Variants in MTUS2 observed in about 807,000 individuals in gnomAD.
The protein encoded by MTUS2 is microtubule-associated tumor suppressor candidate 2.
MTUS2 carries 40 observed loss-of-function variants against 114.1 expected under a neutral mutation model. The observed-to-expected ratio is 0.35, with a 90% confidence interval of 0.27 to 0.46. The LOEUF is 0.46. Among genes scored for constraint, MTUS2 ranks in the 20% least tolerant of loss-of-function variants. The probability of loss-of-function intolerance (pLI) is 1.00; values close to 1 mark genes in which losing one functional copy is unlikely to be tolerated. For missense variants in MTUS2, 1,679 were observed against 1,705.4 expected (o/e 0.98, Z 0.27); for synonymous variants, 688 against 672.0 (o/e 1.02, Z -0.37).
At chr13:29,494,064 C>G (rs1205449006) in intron 12 of MTUS2, among the ~76,000 whole-genome samples, 1 of 152,214 alleles carries the variant, frequency 6.6e-6, no homozygotes, top group Non-Finnish European at 1.5e-5. Context: ...TGCACTAGCT[C>G]TTACTAGCTT....
intron 5 of MTUS2, among the ~76,000 whole-genome samples, chr13:29,244,163 G>A (rs752696459): frequency 5.9e-5 from 9 of 152,170 alleles, no homozygotes; most frequent in Admixed American, 2.6e-4. Context: ...ATACATTCTG[G>A]AAGGAGTAGG....
chr13:29,247,812 T>C (rs1896981670), intron 5 of MTUS2, among the ~76,000 whole-genome samples: 1 of 152,232 alleles, frequency 6.6e-6, no homozygotes, highest in Non-Finnish European at 1.5e-5. Context: ...GAATGTAAAC[T>C]AGTACACCCA....
At chr13:28,883,609 A>G (rs780663909) in intron 2 of MTUS2, among the ~76,000 whole-genome samples, 1 of 152,198 alleles carries the variant, frequency 6.6e-6, no homozygotes, top group Non-Finnish European at 1.5e-5. Flanking sequence ...AATTATAGAG[A>G]TGGAGAACAG....
intron 1 of MTUS2, among the ~76,000 whole-genome samples, chr13:28,826,389 A>G (rs1386312027): frequency 1.3e-5 from 2 of 152,238 alleles, no homozygotes. Flanking sequence ...TTTAAAAACA[A>G]GATTATTGTA....
chr13:29,052,310 C>T (rs908423684), intron 4 of MTUS2, among the ~76,000 whole-genome samples: 3 of 151,966 alleles, frequency 2.0e-5, no homozygotes, highest in South Asian at 2.1e-4. Context: ...GGCAAAAACC[C>T]GTCTCTCTGA....
chr13:28,843,680 A>G (rs1210379685), intron 2 of MTUS2, among the ~76,000 whole-genome samples: 1 of 152,178 alleles, frequency 6.6e-6, no homozygotes, highest in Non-Finnish European at 1.5e-5. Flanking sequence ...AGACTGTGCA[A>G]TTTACCCTGC....
intron 5 of MTUS2, among the ~76,000 whole-genome samples, chr13:29,172,892 C>T (rs888513934): frequency 1.3e-5 from 2 of 152,120 alleles, no homozygotes; most frequent in African/African-American, 4.8e-5. Flanking sequence ...TATATTGGTC[C>T]TGCAAATAAT....
At position 29,503,924 on chromosome 13, in the gene MTUS2, T is replaced by C. The variant is rs1883073649; in HGVS notation, c.*718T>C. On this transcript the variant is annotated 3_prime_UTR_variant, in exon 16 of 16. Transcript: ENST00000612955. Reference sequence around the variant, plus strand: ...GTTTTAATTATTGATACTCCTGTCATGAGCGGATAAGGGAGAGCAGTGGGA... The same window carrying C: ...GTTTTAATTATTGATACTCCTGTCACGAGCGGATAAGGGAGAGCAGTGGGA... 4.3e-6 allele frequency: 1 copy of C among 231,720 alleles called. No individual in the cohort carries two copies. The highest frequency in any genetic ancestry group is 6.2e-5 in the East Asian group (1 of 16,246). The allele number at this position is 231,720 out of a possible 1,614,324, so 14.4% of individuals were successfully genotyped here.
At chr13:29,467,896 C>T (rs115979875) in intron 9 of MTUS2, among the ~76,000 whole-genome samples, 170 of 152,178 alleles carry the variant, frequency 1.1e-3, no homozygotes, top group African/African-American at 3.9e-3. Flanking sequence ...AAGTGGATAG[C>T]TTGAGTCAAG....
intron 2 of MTUS2, among the ~76,000 whole-genome samples, chr13:28,843,293 A>G (rs752483913): frequency 9.2e-5 from 14 of 152,166 alleles, no homozygotes; most frequent in Non-Finnish European, 1.8e-4. Context: ...GTGATTCAGA[A>G]GTATCTATAT....
chr13:29,327,208 A>G (rs1262974877), intron 7 of MTUS2, among the ~76,000 whole-genome samples: 1 of 152,214 alleles, frequency 6.6e-6, no homozygotes, highest in Non-Finnish European at 1.5e-5. Context: ...AGTTTGTGGC[A>G]TTATAGTTGT....
chr13:29,443,154 A>G (rs911236265), intron 9 of MTUS2, among the ~76,000 whole-genome samples: 3 of 152,226 alleles, frequency 2.0e-5, no homozygotes, highest in Non-Finnish European at 4.4e-5. Flanking sequence ...TGGAAAGTCA[A>G]TTAAAGAAGA....
chr13:29,233,951 T>C (rs983350025), intron 5 of MTUS2, among the ~76,000 whole-genome samples: 1 of 152,220 alleles, frequency 6.6e-6, no homozygotes, highest in African/African-American at 2.4e-5. Context: ...TTTTTGTAGC[T>C]GCTTCTCAAA....
intron 4 of MTUS2, among the ~76,000 whole-genome samples, chr13:29,077,724 T>C (rs1889258138): frequency 6.6e-6 from 1 of 152,258 alleles, no homozygotes; most frequent in African/African-American, 2.4e-5. Flanking sequence ...ATGGTAGGCA[T>C]CTGTGAATGC....
intron 5 of MTUS2, among the ~76,000 whole-genome samples, chr13:29,158,025 C>T (rs1324580577): frequency 1.3e-5 from 2 of 152,110 alleles, no homozygotes; most frequent in Admixed American, 6.6e-5. Context: ...AATGTAACAT[C>T]GACTTCTGGC....
Position 29,496,665 on chromosome 13 carries a change from A to C in MTUS2, c.3580-573A>C, listed in dbSNP as rs1330100891. 6.6e-6 allele frequency among the ~76,000 whole-genome samples: 1 copy of C among 152,102 alleles called. No individual in the cohort carries two copies. Among genetic ancestry groups the C allele is most frequent in the Non-Finnish European group, 1.5e-5 (1 of 67,998 alleles). On this transcript the variant is annotated intron_variant, in intron 12 of 15. Coordinates refer to ENST00000612955, the MANE Select transcript of MTUS2 (RefSeq NM_001033602.4). This position sits in a 1 kb window ranked among gnomAD's most constrained non-coding sequence, Gnocchi z 4.3. ...AGAGAAAAAGAGGAACCGTGCCAGG[A>C]AGGAGCCGGCAGAGTGGCCTGAGCT...
intron 4 of MTUS2, among the ~76,000 whole-genome samples, chr13:29,062,764 A>T (rs898278318): frequency 1.3e-5 from 2 of 152,196 alleles, no homozygotes; most frequent in Non-Finnish European, 2.9e-5. Context: ...AGAACTGGAC[A>T]TGCAAGAAAT....
chr13:29,100,383 C>T (rs1161817368), intron 4 of MTUS2, among the ~76,000 whole-genome samples: 1 of 152,208 alleles, frequency 6.6e-6, no homozygotes, highest in African/African-American at 2.4e-5. Context: ...CATTGTATGT[C>T]AAAATTTAAG....
chr13:29,216,092 T>C (rs1274748321), intron 5 of MTUS2, among the ~76,000 whole-genome samples: 1 of 152,198 alleles, frequency 6.6e-6, no homozygotes, highest in Non-Finnish European at 1.5e-5. Flanking sequence ...AGGAGGAATC[T>C]AGAGAGGTAG....
Sources: gnomAD v4.1 joint callset for allele counts (sites outside exome capture counted in the v4.1 genomes callset) on GRCh38, gnomAD v4.1.1 for gene constraint, Gnocchi (gnomAD v3.1) non-coding constraint, MANE v1.5 for transcripts, NCBI Gene and HGNC (gene_info 2026-07-23, HGNC 2026-07-21) for gene names.